Variants in LCLAT1 observed in about 807,000 individuals in gnomAD.
LCLAT1 encodes the protein 1-AGP acyltransferase 8.
LCLAT1 carries 11 observed loss-of-function variants against 30.7 expected under a neutral mutation model. The ratio of observed to expected loss-of-function variants is 0.36; its 90% CI spans 0.23 to 0.59. LCLAT1 has a LOEUF of 0.59. Ranked by LOEUF, LCLAT1 falls within the 20% of genes least tolerant of loss-of-function variation. The probability of loss-of-function intolerance (pLI) is 0.77; values close to 1 mark genes in which losing one functional copy is unlikely to be tolerated. For synonymous variants in LCLAT1, 155 were observed against 151.3 expected, an observed-to-expected ratio of 1.02 and a Z score of -0.18; for missense variants, 402 against 458.6, an observed-to-expected ratio of 0.88 and a Z score of 1.13.
chr2:30,530,805 A>G (rs1179739069), intron 2 of LCLAT1, among the ~76,000 whole-genome samples: 1 of 152,022 alleles, frequency 6.6e-6, no homozygotes, highest in African/African-American at 2.4e-5. Context: ...TAGCCTCCCA[A>G]AGTGCTGGGA....
At chr2:30,562,645 A>G (rs76863070) in intron 4 of LCLAT1, among the ~76,000 whole-genome samples, 1 of 152,188 alleles carries the variant, frequency 6.6e-6, no homozygotes, top group Non-Finnish European at 1.5e-5. Context: ...CGGTCATATT[A>G]TTCATACTTG....
chr2:30,626,092 A>G (rs964371268), intron 5 of LCLAT1, among the ~76,000 whole-genome samples: 29 of 152,192 alleles, frequency 1.9e-4, no homozygotes, highest in African/African-American at 6.8e-4. Flanking sequence ...CTCAATAAAT[A>G]GTAATAGCCA....
chr2:30,515,852 T>G (rs1236649902), intron 1 of LCLAT1, among the ~76,000 whole-genome samples: 1 of 152,188 alleles, frequency 6.6e-6, no homozygotes, highest in Non-Finnish European at 1.5e-5. Context: ...TGTCAGTTAT[T>G]TAACCCAATT....
chr2:30,631,872 GCTT>G (rs1019922349), intron 5 of LCLAT1, among the ~76,000 whole-genome samples: 58 of 152,206 alleles, frequency 3.8e-4, no homozygotes, highest in African/African-American at 1.4e-3. Flanking sequence ...ATTTCACATT[GCTT>G]CTTTAACTCC....
rs138562346 is a variant in LCLAT1, at chr2:30,561,624, C to G, written c.365-522C>G. On this transcript the variant is annotated intron_variant, in intron 3 of 5. Coordinates refer to ENST00000379509, the MANE Select transcript of LCLAT1 (RefSeq NM_001002257.3). Reference sequence around the variant, plus strand: ...GTGTTTAGTACCATTGCACAATTTCCCTTTTCTTTTCAATGACATAGAAAG... The same window carrying G: ...GTGTTTAGTACCATTGCACAATTTCGCTTTTCTTTTCAATGACATAGAAAG... 1.9e-3 allele frequency among the ~76,000 whole-genome samples: 288 copies of G among 152,184 alleles called. 1 individual carries two copies. Among genetic ancestry groups the G allele is most frequent in the African/African-American group, 6.8e-3 (282 of 41,528 alleles).
chr2:30,481,316 C>T (rs923399605), intron 1 of LCLAT1, among the ~76,000 whole-genome samples: 3 of 152,150 alleles, frequency 2.0e-5, no homozygotes, highest in African/African-American at 7.2e-5. Context: ...ACCTGTGGGT[C>T]GGTCTGCAGC....
At chr2:30,572,537 T>C (rs1572642772) in intron 5 of LCLAT1, among the ~76,000 whole-genome samples, 1 of 152,204 alleles carries the variant, frequency 6.6e-6, no homozygotes, top group East Asian at 1.9e-4. Context: ...GGTGGTAGTT[T>C]GCTTTGTGCT....
chr2:30,618,388 A>G (rs571903950), intron 5 of LCLAT1, among the ~76,000 whole-genome samples: 4 of 152,314 alleles, frequency 2.6e-5, no homozygotes, highest in East Asian at 1.9e-4. Flanking sequence ...TTTCCAGTCT[A>G]TGAACATAGT....
At chr2:30,639,445 C>T (rs1228712239) in intron 5 of LCLAT1, among the ~76,000 whole-genome samples, 1 of 151,564 alleles carries the variant, frequency 6.6e-6, no homozygotes, top group Non-Finnish European at 1.5e-5. Flanking sequence ...GGATCAGGGT[C>T]TTACTTGGAG....
At chr2:30,511,848 C>T (rs1324654564) in intron 1 of LCLAT1, among the ~76,000 whole-genome samples, 1 of 152,212 alleles carries the variant, frequency 6.6e-6, no homozygotes, top group Non-Finnish European at 1.5e-5. Context: ...TCTAGGAATC[C>T]ACCTGCCCCT....
At chr2:30,541,230 G>T (rs897690704) in intron 3 of LCLAT1, among the ~76,000 whole-genome samples, 5 of 151,788 alleles carry the variant, frequency 3.3e-5, no homozygotes, top group Non-Finnish European at 7.4e-5. Flanking sequence ...TGCTTTTATG[G>T]TTTCACTTGT....
At position 30,619,874 on chromosome 2, in the gene LCLAT1, A is replaced by G. The variant is rs998210640; in HGVS notation, c.629-20243A>G. 6.6e-5 allele frequency among the ~76,000 whole-genome samples: 10 copies of G among 152,302 alleles called. No homozygotes were observed. In the South Asian group the frequency reaches 2.1e-3, roughly 32 times the overall value. On this transcript the variant is annotated intron_variant, in intron 5 of 5. Transcript: ENST00000379509. ...AGCAAGATTTATCTCCCAGGTTCCA[A>G]AGTGGGAATAAACTATTTTCAATGC...
At chr2:30,560,459 C>A (rs1665158005) in intron 3 of LCLAT1, among the ~76,000 whole-genome samples, 2 of 152,136 alleles carry the variant, frequency 1.3e-5, no homozygotes, top group South Asian at 4.1e-4. Flanking sequence ...CCCGCTCAGC[C>A]TCCCAAGTAG....
intron 1 of LCLAT1, among the ~76,000 whole-genome samples, chr2:30,518,072 A>C (rs930541504): frequency 2.9e-4 from 44 of 152,210 alleles, no homozygotes; most frequent in African/African-American, 1.0e-3. Flanking sequence ...TTTAGAGGAA[A>C]CCTCATTATG....
At chr2:30,493,476 G>A (rs2148330494) in intron 1 of LCLAT1, among the ~76,000 whole-genome samples, 1 of 152,228 alleles carries the variant, frequency 6.6e-6, no homozygotes, top group South Asian at 2.1e-4. Flanking sequence ...ATGAAGTCCG[G>A]GAGGAATATT....
chr2:30,598,970 CT>C (rs954642694), intron 5 of LCLAT1, among the ~76,000 whole-genome samples: 33 of 143,998 alleles, frequency 2.3e-4, no homozygotes, highest in Non-Finnish European at 2.1e-4. Context: ...GAGTGAGTTT[CT>C]TTTTTTTTTT....
intron 1 of LCLAT1, among the ~76,000 whole-genome samples, chr2:30,502,937 G>A (rs991551198): frequency 6.6e-6 from 1 of 152,220 alleles, no homozygotes; most frequent in African/African-American, 2.4e-5. Context: ...GAGCAGTACT[G>A]TTCCTTGCAG....
intron 5 of LCLAT1, among the ~76,000 whole-genome samples, chr2:30,596,514 T>TTAAG (rs1666936408): frequency 1.3e-5 from 2 of 152,062 alleles, no homozygotes; most frequent in Non-Finnish European, 2.9e-5. Flanking sequence ...GTAAATTTGT[T>TTAAG]TAAGTTTCTT....
At chr2:30,586,241 C>CA (rs148993331) in intron 5 of LCLAT1, among the ~76,000 whole-genome samples, 16,562 of 77,006 alleles carry the variant, frequency 0.22, 1,498 homozygotes, top group South Asian at 0.27. Flanking sequence ...GACTCCGTCT[C>CA]AAAAAAAAAA....
Sources: allele counts gnomAD v4.1 joint callset (sites outside exome capture counted in the v4.1 genomes callset), GRCh38; gene constraint gnomAD v4.1.1; transcripts MANE v1.5; gene names NCBI Gene and HGNC (gene_info 2026-07-23, HGNC 2026-07-21).